The following SGCD variants were observed in gnomAD, a reference collection of about 807,000 sequenced individuals.
SGCD encodes sarcoglycan delta.
A neutral mutation model predicts 36.6 loss-of-function variants in SGCD; 18 were observed. The ratio of observed to expected loss-of-function variants is 0.49; its 90% CI spans 0.34 to 0.73. The LOEUF (loss-of-function observed/expected upper bound fraction) is 0.73. SGCD is among the 30% of genes least tolerant of loss of function. The pLI is 0.01. For synonymous variants in SGCD, 133 were observed against 130.6 expected (o/e 1.02, Z -0.12); for missense variants, 387 against 346.7 (o/e 1.12, Z -0.92).
At chr5:155,767,579 A>G in the SGCD span, among the ~76,000 whole-genome samples, 4 of 152,160 alleles carry the variant, frequency 2.6e-5, no homozygotes, top group Admixed American at 2.6e-4. Context: ...AAGGGAAGGG[A>G]CAGGAGGAGT....
At chr5:155,786,151 A>G in the SGCD span, among the ~76,000 whole-genome samples, 1 of 152,228 alleles carries the variant, frequency 6.6e-6, no homozygotes, top group Non-Finnish European at 1.5e-5. Context: ...TTGCAATAAT[A>G]TCTCCTTTTT....
chr5:156,274,543 A>G (rs1303274730), intron 3 of SGCD, among the ~76,000 whole-genome samples: 2 of 152,186 alleles, frequency 1.3e-5, no homozygotes, highest in African/African-American at 2.4e-5. Context: ...ATCAGTGCAT[A>G]TAGGAGCACA....
chr5:156,375,800 C>T (rs1045371800), intron 3 of SGCD, among the ~76,000 whole-genome samples: 4 of 152,206 alleles, frequency 2.6e-5, no homozygotes, highest in South Asian at 2.1e-4. Flanking sequence ...TTGACTATAG[C>T]GCATCCTACT....
At chr5:156,336,412 A>C (rs1768357357) in intron 2 of SGCD, among the ~76,000 whole-genome samples, 1 of 152,246 alleles carries the variant, frequency 6.6e-6, no homozygotes, top group African/African-American at 2.4e-5. Context: ...GAACAAGTAG[A>C]AAAAGTTACA....
chr5:155,736,194 T>C, the SGCD span, among the ~76,000 whole-genome samples: 1 of 152,132 alleles, frequency 6.6e-6, no homozygotes, highest in Non-Finnish European at 1.5e-5. Flanking sequence ...AGATCATCGG[T>C]GTAATATATC....
intron 4 of SGCD, among the ~76,000 whole-genome samples, chr5:156,579,844 T>C (rs899105070): frequency 7.2e-5 from 11 of 152,220 alleles, no homozygotes; most frequent in Non-Finnish European, 1.3e-4. Flanking sequence ...TACAGCACAC[T>C]GATGGGTCTT....
In SGCD at chr5:156,595,104, A is replaced by G. The variant is rs1760876037; in HGVS notation, c.502+53A>G. 5 of 1,553,534 alleles carry G rather than the reference A, an allele frequency of 3.2e-6. No homozygotes were observed. The Admixed American group carries it at 7.9e-5, about 25-fold the overall frequency. On this transcript the variant is annotated intron_variant, in intron 6 of 8. Coordinates refer to ENST00000337851, the MANE Select transcript of SGCD (RefSeq NM_000337.6). Reference sequence around the variant, plus strand: ...TTTGATGCTACTGTGTACATTTTAGAGGAGAAGCAAAATGGTGTTATGAAC... The same window carrying G: ...TTTGATGCTACTGTGTACATTTTAGGGGAGAAGCAAAATGGTGTTATGAAC...
chr5:155,843,825 T>C, the SGCD span, among the ~76,000 whole-genome samples: 73,128 of 152,022 alleles, frequency 0.48, 17,927 homozygotes, highest in Admixed American at 0.64. Context: ...GCTGCCTAGT[T>C]CTTGGTCCCA....
At chr5:156,043,149 C>T (rs528313807) in intron 1 of SGCD, among the ~76,000 whole-genome samples, 1 of 152,242 alleles carries the variant, frequency 6.6e-6, no homozygotes, top group East Asian at 1.9e-4. Flanking sequence ...AGTTTCATGA[C>T]CAGTTTTTGC....
chr5:156,619,045 A>C (rs1204093362), intron 6 of SGCD, among the ~76,000 whole-genome samples: 1 of 146,724 alleles, frequency 6.8e-6, no homozygotes, highest in African/African-American at 2.6e-5. Context: ...TTTTCTTCTG[A>C]GACAGCGTAT....
chr5:156,200,719 T>C (rs1764127142), intron 3 of SGCD, among the ~76,000 whole-genome samples: 1 of 152,192 alleles, frequency 6.6e-6, no homozygotes, highest in Admixed American at 6.6e-5. Context: ...ATGTTATGAT[T>C]CAGCAATCCC....
intron 4 of SGCD, among the ~76,000 whole-genome samples, chr5:156,557,988 T>G (rs1434528367): frequency 6.6e-6 from 1 of 151,112 alleles, no homozygotes; most frequent in Non-Finnish European, 1.5e-5. Context: ...ATGTCTTTTT[T>G]GTATTCCCAG....
chr5:156,131,779 AG>A (rs1455489722), intron 3 of SGCD, among the ~76,000 whole-genome samples: 3 of 152,250 alleles, frequency 2.0e-5, no homozygotes, highest in African/African-American at 7.2e-5. Flanking sequence ...TTATCTGTCC[AG>A]AATGATTGAA....
At chr5:156,128,025 A>C (rs1762222972) in intron 3 of SGCD, among the ~76,000 whole-genome samples, 1 of 152,138 alleles carries the variant, frequency 6.6e-6, no homozygotes, top group African/African-American at 2.4e-5. Flanking sequence ...TCTACTCATC[A>C]AAAAATACCA....
intron 6 of SGCD, among the ~76,000 whole-genome samples, chr5:156,618,968 T>G (rs1762130441): frequency 6.6e-6 from 1 of 151,986 alleles, no homozygotes; most frequent in Non-Finnish European, 1.5e-5. Flanking sequence ...GCTTTCTAGT[T>G]TGATTAAAGA....
intron 4 of SGCD, among the ~76,000 whole-genome samples, chr5:156,557,269 G>C (rs1445415229): frequency 6.6e-6 from 1 of 152,136 alleles, no homozygotes; most frequent in East Asian, 1.9e-4. Context: ...TCCCTTCACA[G>C]AATGTTTTCT....
rs182055342 is a variant in SGCD, at chr5:156,286,390, C to T, written c.-43-43144C>T. Among the ~76,000 whole-genome samples, 16 of 152,260 alleles carry T rather than the reference C, an allele frequency of 1.1e-4. No homozygotes were observed. In the East Asian group the frequency reaches 2.3e-3, roughly 22 times the overall value. ...ACATGCACACATATGTTTATTGTGGCACTATTCACAATAGCAAGGACTTGG... is the reference window on the plus strand; with the variant it reads ...ACATGCACACATATGTTTATTGTGGTACTATTCACAATAGCAAGGACTTGG... On this transcript the variant is annotated intron_variant, in intron 3 of 9. Transcript: ENST00000517913.
chr5:156,632,659 C>T (rs964783510), intron 6 of SGCD, among the ~76,000 whole-genome samples: 3 of 152,162 alleles, frequency 2.0e-5, no homozygotes, highest in African/African-American at 7.2e-5. Flanking sequence ...TTACACTTGC[C>T]ATGGTTTGGG....
At chr5:156,449,677 C>CAAAAAAAAAAAAAAAAA (rs397883573) in intron 3 of SGCD, among the ~76,000 whole-genome samples, 6 of 46,054 alleles carry the variant, frequency 1.3e-4, no homozygotes, top group East Asian at 7.5e-4. Context: ...ACTAAAAATA[C>CAAAAAAAAAAAAAAAAA]AAAAAAAAAA....
Sources: gnomAD v4.1 joint callset for allele counts (sites outside exome capture counted in the v4.1 genomes callset) on GRCh38, gnomAD v4.1.1 for gene constraint, MANE v1.5 for transcripts, NCBI Gene and HGNC (gene_info 2026-07-23, HGNC 2026-07-21) for gene names.